SNX21: variants seen among roughly 807,000 people sequenced by gnomAD.
SNX21 encodes sorting nexin-21.
In SNX21, 36 loss-of-function variants were observed where a neutral mutation model predicts 30.9. The observed-to-expected ratio is 1.16, with a 90% CI of 0.89 to 1.54. The LOEUF (loss-of-function observed/expected upper bound fraction) is 1.54. Among genes scored for constraint, SNX21 ranks in the 40% most tolerant of loss-of-function variants. SNX21 has a pLI of 0.00. For synonymous variants in SNX21, 218 were observed against 222.7 expected, an observed-to-expected ratio of 0.98 and a Z score of 0.19; for missense variants, 508 against 516.5, an observed-to-expected ratio of 0.98 and a Z score of 0.16.
chr20:45,839,457 A>G (rs1983839636), intron 3 of SNX21, among the ~76,000 whole-genome samples: 1 of 151,962 alleles, frequency 6.6e-6, no homozygotes, highest in African/African-American at 2.4e-5. Context: ...CGGAGCTTGC[A>G]GTGAGCCGAG....
chr20:45,835,765 C>T (rs929659620), intron 3 of SNX21, among the ~76,000 whole-genome samples: 5 of 152,126 alleles, frequency 3.3e-5, no homozygotes, highest in African/African-American at 4.8e-5. Context: ...GTCCTTATAA[C>T]GCACAGGTCA....
rs1444068468 is a variant in SNX21, at chr20:45,841,554, C to T, written c.*241C>T. ...TGACACAGCCTCTCCAGCCTATAAA[C>T]AGCCGGGGGGCTGTGGCACAGGTTG... On this transcript the variant is annotated 3_prime_UTR_variant, in exon 4 of 4. Coordinates refer to ENST00000491381, the MANE Select transcript of SNX21 (RefSeq NM_033421.4). The T allele has an allele frequency of 2.2e-6, 3 of 1,388,546 alleles. No individual in the cohort carries two copies. The highest frequency in any genetic ancestry group is 2.7e-4 in the Middle Eastern group (1 of 3,770). 86.0% of individuals were successfully genotyped at this position (1,388,546 alleles called of 1,614,324 possible). A position where few individuals can be genotyped will look rare whatever the true frequency, so the allele number is the denominator to read the frequency against.
At position 45,843,189 on chromosome 20, in the gene SNX21, A is replaced by C; in HGVS notation, c.*1876A>C. 1 of 486,324 alleles carries C rather than the reference A, an allele frequency of 2.1e-6. No individual in the cohort carries two copies. Among genetic ancestry groups the C allele is most frequent in the Non-Finnish European group, 3.5e-6 (1 of 284,312 alleles). 30.1% of individuals were successfully genotyped at this position (486,324 alleles called of 1,614,324 possible). On this transcript the variant is annotated 3_prime_UTR_variant, in exon 4 of 4. Coordinates refer to ENST00000491381, the MANE Select transcript of SNX21 (RefSeq NM_033421.4). Reference sequence around the variant, plus strand: ...CTGCGGGTTTGGATACCACTGCTGTAATGTAACCCTCTTTGTTTAGATGAG... The same window carrying C: ...CTGCGGGTTTGGATACCACTGCTGTCATGTAACCCTCTTTGTTTAGATGAG...
In SNX21 at chr20:45,842,817, T is replaced by C; in HGVS notation, c.*1504T>C. 1.0e-6 allele frequency: 1 copy of C among 991,444 alleles called. No homozygotes were observed. The highest frequency in any genetic ancestry group is 4.6e-5 in the South Asian group (1 of 21,896). The allele number at this position is 991,444 out of a possible 1,614,324, so 61.4% of individuals were successfully genotyped here. A position where few individuals can be genotyped will look rare whatever the true frequency, so the allele number is the denominator to read the frequency against. ...TATCAATCTTGGATTGTGATGCTAT[T>C]GGTACTTGAGAATACCCCTTATCTG... On this transcript the variant is annotated 3_prime_UTR_variant, in exon 4 of 4. Coordinates refer to ENST00000491381, the MANE Select transcript of SNX21 (RefSeq NM_033421.4).
At chr20:45,839,430 G>A (rs561944621) in intron 3 of SNX21, among the ~76,000 whole-genome samples, 3 of 151,862 alleles carry the variant, frequency 2.0e-5, no homozygotes, top group Admixed American at 1.3e-4. Flanking sequence ...GCAGGAGAAT[G>A]GAGTGAACCC....
rs1984290654 is a variant in SNX21 at position 45,842,494 on chromosome 20, A to T, written c.*1181A>T. ...GTAATTCATGAAAAATATCCCCACTACCACCACCAAGGGGAAGAAAGGACT... is the reference window on the plus strand; with the variant it reads ...GTAATTCATGAAAAATATCCCCACTTCCACCACCAAGGGGAAGAAAGGACT... On this transcript the variant is annotated 3_prime_UTR_variant, in exon 4 of 4. Coordinates refer to ENST00000491381, the MANE Select transcript of SNX21 (RefSeq NM_033421.4). 9.8e-7 allele frequency: 1 copy of T among 1,018,956 alleles called. No individual in the cohort carries two copies. The highest frequency in any genetic ancestry group is 4.0e-5 in the South Asian group (1 of 24,982). The allele number at this position is 1,018,956 out of a possible 1,614,324, so 63.1% of individuals were successfully genotyped here. A position where few individuals can be genotyped will look rare whatever the true frequency, so the allele number is the denominator to read the frequency against.
At chr20:45,834,930 C>T (rs558375210) in intron 2 of SNX21, 29 bp from the exon 3 acceptor site, 1 of 1,607,192 alleles carries the variant, frequency 6.2e-7, no homozygotes, top group Non-Finnish European at 8.5e-7. Flanking sequence ...GCCCTAGGCC[C>T]ATTGATATGA....
In SNX21 at chr20:45,840,992, G is replaced by A. The variant is rs769966414; in HGVS notation, c.801G>A (p.Trp267Ter). The A allele has an allele frequency of 6.2e-7, 1 of 1,610,244 alleles. No homozygotes were observed. The highest frequency in any genetic ancestry group is 2.2e-5 in the East Asian group (1 of 44,838). ...CTCTGGCACTCTGGGCCAATGCCTGGCAGCTGCAAGCCCAGCTGGGCACCC... is the reference window on the plus strand; with the variant it reads ...CTCTGGCACTCTGGGCCAATGCCTGACAGCTGCAAGCCCAGCTGGGCACCC... ...REALALWANAWQLQAQLGTPS... is the reference protein window; with the variant it reads ...REALALWANA The change falls in exon 4 of 4, where the codon TGG becomes TGA. Residue 267 changes from tryptophan (W) to a stop codon, truncating the protein, a stop_gained. Coordinates refer to ENST00000491381, the MANE Select transcript of SNX21 (RefSeq NM_033421.4). LOFTEE classifies it high-confidence loss of function.
At chr20:45,835,908 G>A (rs1358493845) in intron 3 of SNX21, among the ~76,000 whole-genome samples, 1 of 152,164 alleles carries the variant, frequency 6.6e-6, no homozygotes, top group Non-Finnish European at 1.5e-5. Flanking sequence ...AGACTGACTT[G>A]GAGAATGAGG....
Position 45,834,377 on chromosome 20 carries a change from C to T in SNX21, c.198C>T (p.Ala66=), listed in dbSNP as rs745835332. The T allele has an allele frequency of 7.5e-6, 12 of 1,598,424 alleles. No homozygotes were observed. The African/African-American group carries it at 1.2e-4, about 16-fold the overall frequency. ...RLSGTLSFTS[A]EDDEDDEDED... ...GCGGCACCCTCAGCTTCACCAGCGC[C>T]GAGGACGACGAGGACGACGAGGACG... is the stretch of plus-strand genomic sequence containing the variant. The change falls in exon 2 of 4, where the codon GCC becomes GCT. Residue 66 remains alanine, a synonymous_variant. Transcript: ENST00000491381.
chr20:45,839,248 G>A (rs2145744187), intron 3 of SNX21, among the ~76,000 whole-genome samples: 1 of 152,180 alleles, frequency 6.6e-6, no homozygotes, highest in East Asian at 1.9e-4. Context: ...AGGCGCGGTG[G>A]CTCACACCTA....
At chr20:45,840,316 T>C (rs1395424194) in intron 3 of SNX21, 10 of 1,578,830 alleles carry the variant, frequency 6.3e-6, no homozygotes, top group Non-Finnish European at 8.6e-6. Context: ...ATGTCTGGTT[T>C]TCCAGAGGGG....
intron 3 of SNX21, among the ~76,000 whole-genome samples, chr20:45,839,409 G>T (rs1458469980): frequency 6.6e-6 from 1 of 151,966 alleles, no homozygotes; most frequent in African/African-American, 2.4e-5. Context: ...CCAGCTACTC[G>T]GGAGGCTGAG....
chr20:45,842,039 A>G lies in SNX21; in HGVS notation c.*726A>G. On this transcript the variant is annotated 3_prime_UTR_variant, in exon 4 of 4. Transcript: ENST00000491381. ...TTTTTTTTTCCTGAAACAGAGTCTC[A>G]CTAAGTTGCCAGGCTGGTCTCAAGC... is the stretch of plus-strand genomic sequence containing the variant. The G allele has an allele frequency of 6.4e-7, 1 of 1,553,886 alleles. No homozygotes were observed. The highest frequency in any genetic ancestry group is 1.2e-5 in the South Asian group (1 of 85,210).
rs760034107 is a variant in SNX21 at position 45,833,840 on chromosome 20, C to T, written c.-80C>T. Reference sequence around the variant, plus strand: ...GGCGCTCTGAGCGGCCTGAGCCCGGCGGAGCCCTGCAGAACCCGGCCGACC... The same window carrying T: ...GGCGCTCTGAGCGGCCTGAGCCCGGTGGAGCCCTGCAGAACCCGGCCGACC... On this transcript the variant is annotated 5_prime_UTR_variant, in exon 1 of 4. Transcript: ENST00000491381. 8.8e-6 allele frequency: 11 copies of T among 1,251,306 alleles called. No individual in the cohort carries two copies. The highest frequency in any genetic ancestry group is 3.0e-6 in the Non-Finnish European group (3 of 987,622). The allele number at this position is 1,251,306 out of a possible 1,614,324, so 77.5% of individuals were successfully genotyped here. A position where few individuals can be genotyped will look rare whatever the true frequency, so the allele number is the denominator to read the frequency against.
chr20:45,835,841 T>C (rs1983479395), intron 3 of SNX21, among the ~76,000 whole-genome samples: 1 of 152,220 alleles, frequency 6.6e-6, no homozygotes, highest in African/African-American at 2.4e-5. Flanking sequence ...GAGGTTAGGA[T>C]GAAGAGCAAT....
chr20:45,839,291 G>T (rs570287209), intron 3 of SNX21, among the ~76,000 whole-genome samples: 1 of 152,032 alleles, frequency 6.6e-6, no homozygotes, highest in African/African-American at 2.4e-5. Flanking sequence ...AAAGGCGGGC[G>T]GATCACAAGG....
At chr20:45,839,317 C>A (rs549532865) in intron 3 of SNX21, among the ~76,000 whole-genome samples, 1 of 152,104 alleles carries the variant, frequency 6.6e-6, no homozygotes, top group Non-Finnish European at 1.5e-5. Flanking sequence ...AGATCGAGAC[C>A]ATCCTGGCTA....
chr20:45,841,288 T>A lies in SNX21; in HGVS notation c.1097T>A (p.Leu366Ter). ...ACACCACCCCCCAGTCTCAAAGAAT[T>A]GCTCATCAAGGAGGTGCTGGACTAA... ...TPTPPPSLKE[L>*]LIKEVLD The change falls in exon 4 of 4, where the codon TTG (leucine) becomes TAG (stop). Residue 366 changes from leucine to a stop codon, truncating the protein, a stop_gained. Transcript: ENST00000491381. LOFTEE classifies it high-confidence loss of function. 6.3e-7 allele frequency: 1 copy of A among 1,577,774 alleles called. No individual in the cohort carries two copies. The highest frequency in any genetic ancestry group is 1.2e-5 in the South Asian group (1 of 85,180).
Sources: allele counts gnomAD v4.1 joint callset (sites outside exome capture counted in the v4.1 genomes callset), GRCh38; gene constraint gnomAD v4.1.1; transcripts MANE v1.5; gene names NCBI Gene and HGNC (gene_info 2026-07-23, HGNC 2026-07-21).